Variants in SORCS3 observed in about 807,000 individuals in gnomAD.
SORCS3 encodes the protein sortilin related VPS10 domain containing receptor 3.
A neutral mutation model predicts 146.3 loss-of-function variants in SORCS3; 57 were observed. The ratio of observed to expected loss-of-function variants is 0.39; its 90% CI spans 0.31 to 0.49. The LOEUF is 0.49. Among genes scored for constraint, SORCS3 ranks in the 20% least tolerant of loss-of-function variants. The pLI is 0.92. For synonymous variants in SORCS3, 653 were observed against 618.5 expected (o/e 1.06, Z -0.83); for missense variants, 1,341 against 1,575.5 (o/e 0.85, Z 2.52).
intron 2 of SORCS3, among the ~76,000 whole-genome samples, chr10:104,843,845 T>C (rs2018174200): frequency 6.6e-6 from 1 of 152,170 alleles, no homozygotes; most frequent in Non-Finnish European, 1.5e-5. Context: ...ACTTGAGGTG[T>C]TGTGTGTTTT....
At position 105,107,561 on chromosome 10, in the gene SORCS3, G is replaced by A. The variant is rs533023353; in HGVS notation, c.1212+2046G>A. 3.3e-5 allele frequency among the ~76,000 whole-genome samples: 5 copies of A among 152,004 alleles called. No homozygotes were observed. The East Asian group carries it at 9.7e-4, about 29-fold the overall frequency. ...CTTTTTTATTATACTGGAAGCAGACGGAAGTTTTGTCTTTAATTAGCATCA... is the reference window on the plus strand; with the variant it reads ...CTTTTTTATTATACTGGAAGCAGACAGAAGTTTTGTCTTTAATTAGCATCA... On this transcript the variant is annotated intron_variant, in intron 7 of 26. Coordinates refer to ENST00000369701, the MANE Select transcript of SORCS3 (RefSeq NM_014978.3).
intron 4 of SORCS3, among the ~76,000 whole-genome samples, chr10:105,037,996 G>A (rs1449957075): frequency 6.6e-6 from 1 of 152,196 alleles, no homozygotes; most frequent in Non-Finnish European, 1.5e-5. Flanking sequence ...AAGGAAAAGA[G>A]TATGTTCTTT....
At position 104,642,283 on chromosome 10, in the gene SORCS3, G is replaced by T. The variant is rs527493737; in HGVS notation, c.627+329G>T. ...GCTTGGAGGGTCAGTTTTCCTGTTTGCGGGGTGCTTGAATTCTTGGATGAG... is the reference window on the plus strand; with the variant it reads ...GCTTGGAGGGTCAGTTTTCCTGTTTTCGGGGTGCTTGAATTCTTGGATGAG... On this transcript the variant is annotated intron_variant, in intron 1 of 26. Transcript: ENST00000369701. Among the ~76,000 whole-genome samples, 21 of 152,246 alleles carry T rather than the reference G, an allele frequency of 1.4e-4. No homozygotes were observed. In the South Asian group the frequency reaches 1.5e-3, roughly 11 times the overall value.
At chr10:105,223,056 G>A (rs3750260) in intron 19 of SORCS3, 60 bp from the exon 20 acceptor site, 135,360 of 1,512,088 alleles carry the variant, frequency 0.09, 6,612 homozygotes, top group Middle Eastern at 0.17. Flanking sequence ...ATCTAGGGGT[G>A]TGATACAGTT....
At chr10:105,117,128 T>C (rs2055899221) in intron 7 of SORCS3, among the ~76,000 whole-genome samples, 1 of 152,130 alleles carries the variant, frequency 6.6e-6, no homozygotes, top group African/African-American at 2.4e-5. Context: ...TGAATTTTCA[T>C]AGGCTGTCTA....
chr10:105,083,410 G>A (rs2055638514), intron 5 of SORCS3, among the ~76,000 whole-genome samples: 1 of 151,956 alleles, frequency 6.6e-6, no homozygotes, highest in African/African-American at 2.4e-5. Flanking sequence ...GCCTAAATTT[G>A]GTCCTAGAAA....
In SORCS3 at chr10:104,883,978, G is replaced by A. The variant is rs11192220; in HGVS notation, c.696-31855G>A. Among the ~76,000 whole-genome samples, 345 of 146,214 alleles carry A rather than the reference G, an allele frequency of 2.4e-3. 11 individuals are homozygous for A. In the East Asian group the frequency reaches 0.056, roughly 24 times the overall value. On this transcript the variant is annotated intron_variant, in intron 2 of 26. Transcript: ENST00000369701. ...CATCCACTGTTCTGCTGTGGAATGA[G>A]GGGGGGGAAAGGGTCCTACCCTATC...
chr10:104,746,810 G>A lies in SORCS3; in HGVS notation c.628-95982G>A, dbSNP rs182464154. On this transcript the variant is annotated intron_variant, in intron 1 of 26. Coordinates refer to ENST00000369701, the MANE Select transcript of SORCS3 (RefSeq NM_014978.3). ...TTTCACTTAGCATAATGTCCTTCAG[G>A]CTCAAGGATCAGTATATACTTTTAA... 2.5e-3 allele frequency among the ~76,000 whole-genome samples: 375 copies of A among 152,278 alleles called. 3 individuals are homozygous for A. Among genetic ancestry groups the A allele is most frequent in the African/African-American group, 8.6e-3 (357 of 41,538 alleles).
At chr10:104,931,736 G>A (rs2019210516) in intron 3 of SORCS3, among the ~76,000 whole-genome samples, 1 of 152,216 alleles carries the variant, frequency 6.6e-6, no homozygotes, top group Admixed American at 6.5e-5. Flanking sequence ...GGAGGCTATT[G>A]ACAGCCTGTT....
chr10:105,132,531 GGT>G (rs2056028131), intron 7 of SORCS3, among the ~76,000 whole-genome samples: 1 of 152,138 alleles, frequency 6.6e-6, no homozygotes, highest in Non-Finnish European at 1.5e-5. Context: ...AAGGCCCTTT[GGT>G]TCTAATTTTT....
intron 1 of SORCS3, among the ~76,000 whole-genome samples, chr10:104,649,088 A>T (rs2015529399): frequency 6.6e-6 from 1 of 152,152 alleles, no homozygotes; most frequent in African/African-American, 2.4e-5. Flanking sequence ...ATTATTTAGT[A>T]TGGGTATATG....
intron 9 of SORCS3, 84 bp from the exon 10 acceptor site, chr10:105,157,054 A>G: frequency 1.3e-6 from 2 of 1,505,414 alleles, no homozygotes; most frequent in Non-Finnish European, 1.8e-6. Context: ...GCCGTGGGAA[A>G]TTCTGCGGCT....
intron 3 of SORCS3, among the ~76,000 whole-genome samples, chr10:104,919,753 A>T (rs539382015): frequency 6.6e-6 from 1 of 152,230 alleles, no homozygotes; most frequent in African/African-American, 2.4e-5. Flanking sequence ...TTTCCTCATC[A>T]TCCAAGAAAA....
At chr10:105,142,165 A>T (rs2056099659) in intron 8 of SORCS3, among the ~76,000 whole-genome samples, 1 of 152,076 alleles carries the variant, frequency 6.6e-6, no homozygotes, top group South Asian at 2.1e-4. Context: ...ATTTATTCTT[A>T]ACTTACTACT....
chr10:104,807,716 CAAAAGCT>C (rs2017695016), intron 1 of SORCS3, among the ~76,000 whole-genome samples: 1 of 152,152 alleles, frequency 6.6e-6, no homozygotes, highest in Non-Finnish European at 1.5e-5. Context: ...GGTGACAGCT[CAAAAGCT>C]AAAATCATTC....
intron 14 of SORCS3, among the ~76,000 whole-genome samples, chr10:105,188,220 G>C (rs2056491427): frequency 6.6e-6 from 1 of 151,948 alleles, no homozygotes; most frequent in African/African-American, 2.4e-5. Flanking sequence ...CTCCAGTGAG[G>C]CTTTTATTTT....
chr10:104,890,418 T>C (rs2018738206), intron 2 of SORCS3, among the ~76,000 whole-genome samples: 2 of 152,174 alleles, frequency 1.3e-5, no homozygotes, highest in South Asian at 4.1e-4. Context: ...TTCGTTCACT[T>C]TCTATTGCTG....
chr10:105,261,222 C>T (rs1300594846), intron 25 of SORCS3, among the ~76,000 whole-genome samples: 2 of 152,256 alleles, frequency 1.3e-5, no homozygotes, highest in East Asian at 1.9e-4. Flanking sequence ...AGTGTTGCAT[C>T]GTTTCATGTT....
intron 7 of SORCS3, among the ~76,000 whole-genome samples, chr10:105,134,375 C>G (rs1589649535): frequency 6.6e-6 from 1 of 152,002 alleles, no homozygotes; most frequent in South Asian, 2.1e-4. Flanking sequence ...AAGATCAGCT[C>G]TCTCAGTCCC....
Sources: gnomAD v4.1 joint callset for allele counts (sites outside exome capture counted in the v4.1 genomes callset) on GRCh38, gnomAD v4.1.1 for gene constraint, MANE v1.5 for transcripts, NCBI Gene and HGNC (gene_info 2026-07-23, HGNC 2026-07-21) for gene names.